The following C9 variants were observed in gnomAD, a reference collection of about 807,000 sequenced individuals.
C9 encodes complement component C9.
Under a neutral mutation model 65.4 loss-of-function variants are expected in C9, and 63 were observed. That is an observed-to-expected ratio of 0.96 (90% CI 0.79 to 1.19). The LOEUF (loss-of-function observed/expected upper bound fraction) is 1.19, where lower values mean the gene tolerates loss of function less well. Among genes scored for constraint, C9 ranks in the 50% most tolerant of loss-of-function variants. The pLI is 0.00. For synonymous variants in C9, 229 were observed against 227.9 expected (o/e 1.00, Z -0.04); for missense variants, 744 against 670.1 (o/e 1.11, Z -1.22).
intron 9 of C9, among the ~76,000 whole-genome samples, chr5:39,293,236 A>G (rs1394968933): frequency 6.6e-6 from 1 of 152,034 alleles, no homozygotes; most frequent in Non-Finnish European, 1.5e-5. Context: ...AGGTAAATAC[A>G]TTAAATTCCC....
At chr5:39,304,079 T>TGTTTTTG (rs552160375) in intron 9 of C9, among the ~76,000 whole-genome samples, 154 of 152,298 alleles carry the variant, frequency 1.0e-3, no homozygotes, top group African/African-American at 3.6e-3. Context: ...AGTTTGGTGA[T>TGTTTTTG]GTTTTTGTGA....
At chr5:39,293,778 C>T (rs1475686564) in intron 9 of C9, among the ~76,000 whole-genome samples, 1 of 151,848 alleles carries the variant, frequency 6.6e-6, no homozygotes, top group East Asian at 1.9e-4. Flanking sequence ...GTGCGTGGAA[C>T]ATTTTCCAAG....
At position 39,284,871 on chromosome 5, in the gene C9, C is replaced by A; in HGVS notation, c.*328G>T. On this transcript the variant is annotated 3_prime_UTR_variant, in exon 11 of 11. Transcript: ENST00000263408. The stretch of plus-strand genomic sequence containing the variant: ...ACCATACAAAGCCGTTTGAAAATTA[C>A]TTTGAAGTTTTTTAAACCAACATTC... 1 of 335,518 alleles carries A rather than the reference C, an allele frequency of 3.0e-6. No homozygotes were observed. Among genetic ancestry groups the A allele is most frequent in the Non-Finnish European group, 5.5e-6 (1 of 181,748 alleles). 20.8% of individuals were successfully genotyped at this position (335,518 alleles called of 1,614,324 possible). A position where few individuals can be genotyped will look rare whatever the true frequency, so the allele number is the denominator to read the frequency against.
In C9 at chr5:39,359,102, G is replaced by GTATATATA. The variant is rs1157807681; in HGVS notation, c.77+5278_77+5285dup. Among the ~76,000 whole-genome samples the GTATATATA allele has an allele frequency of 1.3e-3, 136 of 103,662 alleles. 3 individuals are homozygous for GTATATATA. The South Asian group carries it at 0.026, about 20-fold the overall frequency. 68.0% of individuals were successfully genotyped at this position (103,662 alleles called of 152,430 possible). On this transcript the variant is annotated intron_variant, in intron 1 of 10. Coordinates refer to ENST00000263408, the MANE Select transcript of C9 (RefSeq NM_001737.5). ...TGTATATATATATGTGTGTGTGTGT[G>GTATATATA]TATATATATATATATATATATATGT...
intron 1 of C9, among the ~76,000 whole-genome samples, chr5:39,342,653 C>A (rs763037041): frequency 2.0e-4 from 31 of 152,264 alleles, no homozygotes; most frequent in Non-Finnish European, 4.0e-4. Flanking sequence ...TTAAGCCAGC[C>A]AGCCCAGGCC....
At position 39,341,280 on chromosome 5, in the gene C9, C is replaced by A. The variant is rs1422534983; in HGVS notation, c.342G>T (p.Lys114Asn). ...TGTCACCATTACACCGAAGTCGCAT[C>A]TTTATGCATCTGCCTGCAATCAAAA... ...DFQCSTGRCIKMRLRCNGDND... is the reference protein window; with the variant it reads ...DFQCSTGRCINMRLRCNGDND... Residue 114 changes from lysine (K) to asparagine (N), a missense_variant, in exon 4 of 11, where the codon AAG (lysine) becomes AAT (asparagine). Transcript: ENST00000263408. 1 of 1,614,140 alleles carries A rather than the reference C, an allele frequency of 6.2e-7. No homozygotes were observed. The highest frequency in any genetic ancestry group is 1.1e-5 in the South Asian group (1 of 91,076).
chr5:39,322,302 T>C (rs1329737069), intron 5 of C9, among the ~76,000 whole-genome samples: 2 of 151,978 alleles, frequency 1.3e-5, no homozygotes, highest in East Asian at 3.9e-4. Context: ...TAAATAAAAA[T>C]GAAAACATTC....
intron 1 of C9, among the ~76,000 whole-genome samples, chr5:39,356,982 A>G (rs1219875974): frequency 6.6e-6 from 1 of 152,210 alleles, no homozygotes. Flanking sequence ...AAGTGTTTCA[A>G]TCTCAGCTTG....
At position 39,301,886 on chromosome 5, in the gene C9, T is replaced by C. The variant is rs143589099; in HGVS notation, c.1416+4731A>G. Among the ~76,000 whole-genome samples the C allele has an allele frequency of 1.3e-4, 20 of 152,218 alleles. 1 individual carries two copies. The highest frequency in any genetic ancestry group is 4.8e-4 in the African/African-American group (20 of 41,570). On this transcript the variant is annotated intron_variant, in intron 9 of 10. Coordinates refer to ENST00000263408, the MANE Select transcript of C9 (RefSeq NM_001737.5). ...TAGGATTCAGATTTCAACCATGTCA[T>C]ATTTATTTGAAAGAAGGAAACCTCT...
chr5:39,300,617 G>T (rs1271246635), intron 9 of C9, among the ~76,000 whole-genome samples: 1 of 151,704 alleles, frequency 6.6e-6, no homozygotes, highest in Non-Finnish European at 1.5e-5. Context: ...AAAAATTGAG[G>T]CAGAAAACAT....
intron 5 of C9, among the ~76,000 whole-genome samples, chr5:39,330,922 T>A (rs1364516269): frequency 6.6e-6 from 1 of 152,226 alleles, no homozygotes; most frequent in Non-Finnish European, 1.5e-5. Flanking sequence ...GTGGGACTGA[T>A]AACAATAAGA....
At chr5:39,343,029 A>G (rs1212739851) in intron 1 of C9, among the ~76,000 whole-genome samples, 1 of 152,100 alleles carries the variant, frequency 6.6e-6, no homozygotes, top group African/African-American at 2.4e-5. Flanking sequence ...GATCCTTCCT[A>G]TAGTTAGGCC....
At chr5:39,324,137 C>A (rs954861771) in intron 5 of C9, among the ~76,000 whole-genome samples, 5 of 152,108 alleles carry the variant, frequency 3.3e-5, no homozygotes, top group Non-Finnish European at 7.4e-5. Flanking sequence ...TGATGAAATT[C>A]ATAAAACATT....
At chr5:39,299,012 G>T (rs1753236427) in intron 9 of C9, among the ~76,000 whole-genome samples, 1 of 151,744 alleles carries the variant, frequency 6.6e-6, no homozygotes, top group African/African-American at 2.4e-5. Context: ...AAAATTCTGA[G>T]CAAACTAGGA....
intron 9 of C9, among the ~76,000 whole-genome samples, chr5:39,301,815 A>G (rs1416501903): frequency 1.3e-5 from 2 of 152,142 alleles, no homozygotes; most frequent in Non-Finnish European, 2.9e-5. Context: ...CAAAGTCAGC[A>G]TAACTGTTCA....
intron 5 of C9, among the ~76,000 whole-genome samples, chr5:39,319,521 G>A (rs1196751814): frequency 1.3e-5 from 2 of 152,110 alleles, no homozygotes; most frequent in Non-Finnish European, 2.9e-5. Flanking sequence ...TGCCAGGTCA[G>A]CACCCGTACA....
At chr5:39,295,253 G>A (rs562042147) in intron 9 of C9, among the ~76,000 whole-genome samples, 2 of 151,978 alleles carry the variant, frequency 1.3e-5, no homozygotes, top group South Asian at 2.1e-4. Flanking sequence ...AATTGGAAAA[G>A]AGGAAGTTAA....
At chr5:39,306,493 G>A (rs1185784542) in intron 9 of C9, 124 bp downstream of exon 9, 2 of 802,310 alleles carry the variant, frequency 2.5e-6, no homozygotes, top group Non-Finnish European at 4.2e-6. Context: ...TTTTGGGGAA[G>A]AAATGGGAGT....
intron 1 of C9, among the ~76,000 whole-genome samples, chr5:39,356,221 A>G (rs1442380519): frequency 6.6e-6 from 1 of 152,204 alleles, no homozygotes; most frequent in Non-Finnish European, 1.5e-5. Context: ...CTAAAAATGG[A>G]GAATTACACT....
Sources: gnomAD v4.1 joint callset for allele counts (sites outside exome capture counted in the v4.1 genomes callset) on GRCh38, gnomAD v4.1.1 for gene constraint, MANE v1.5 for transcripts, NCBI Gene and HGNC (gene_info 2026-07-23, HGNC 2026-07-21) for gene names.